Variants in SLX4 observed in about 807,000 individuals in gnomAD.
SLX4 encodes the protein structure-specific endonuclease subunit SLX4.
Under a neutral mutation model 146.2 loss-of-function variants are expected in SLX4, and 112 were observed. The observed-to-expected ratio is 0.77, with a 90% confidence interval of 0.66 to 0.90. SLX4 has a LOEUF of 0.90. SLX4 is among the 40% of genes least tolerant of loss of function. SLX4 has a pLI of 0.00. For synonymous variants in SLX4, 1,061 were observed against 997.7 expected (o/e 1.06, Z -1.20); for missense variants, 2,563 against 2,392.7 (o/e 1.07, Z -1.49).
intron 11 of SLX4, 107 bp from the exon 12 acceptor site, chr16:3,591,417 C>A: frequency 6.7e-7 from 1 of 1,498,744 alleles, no homozygotes; most frequent in Non-Finnish European, 9.0e-7. Flanking sequence ...GAGGAATGAC[C>A]ATGACCCAGG....
chr16:3,596,665 G>A (rs1276168993), intron 7 of SLX4, among the ~76,000 whole-genome samples: 1 of 152,212 alleles, frequency 6.6e-6, no homozygotes, highest in Non-Finnish European at 1.5e-5. Flanking sequence ...GAGGCCAGGG[G>A]GGCCCAGGCC....
Position 3,590,314 on chromosome 16 carries a change from C to T in SLX4, c.3324G>A (p.Glu1108=), listed in dbSNP as rs2040568879. Residue 1108 remains glutamate (E), a synonymous_variant, in exon 12 of 15, where the codon GAG becomes GAA. Transcript: ENST00000294008. The surrounding 1 kb of genome is among the most constrained non-coding windows in gnomAD (Gnocchi z 4.8). ...QKGKERRSVL[E]CRNKGVLMFP... is the part of the protein sequence containing the mutation. ...ACATCAGGACCCCCTTATTTCTGCACTCCAGCACGGACCGACGCTCTTTGC... is the reference window on the plus strand; with the variant it reads ...ACATCAGGACCCCCTTATTTCTGCATTCCAGCACGGACCGACGCTCTTTGC... The T allele has an allele frequency of 1.2e-6, 2 of 1,614,202 alleles. No individual in the cohort carries two copies. Among genetic ancestry groups the T allele is most frequent in the African/African-American group, 2.7e-5 (2 of 75,054 alleles).
At chr16:3,606,742 G>T (rs758577084) in intron 2 of SLX4, 44 bp from the exon 3 acceptor site, 3 of 1,601,362 alleles carry the variant, frequency 1.9e-6, no homozygotes, top group Admixed American at 3.3e-5. Flanking sequence ...TGTAGCTGGA[G>T]AAATAAAAGA....
Position 3,594,389 on chromosome 16 carries a change from G to C in SLX4, c.2160+64C>G, listed in dbSNP as rs547760964. 8 of 1,566,230 alleles carry C rather than the reference G, an allele frequency of 5.1e-6. No homozygotes were observed. In the East Asian group the frequency reaches 1.7e-4, roughly 32 times the overall value. On this transcript the variant is annotated intron_variant, in intron 10 of 14. Coordinates refer to ENST00000294008, the MANE Select transcript of SLX4 (RefSeq NM_032444.4). ...CCTGAGACATGGGAAGACCTGGTTG[G>C]AGAAAGGCAGGAGGAGAGAGGGAGA...
At position 3,589,575 on chromosome 16, in the gene SLX4, A is replaced by G. The variant is rs1417515082; in HGVS notation, c.4063T>C (p.Ser1355Pro). Residue 1355 changes from serine to proline, a missense_variant, in exon 12 of 15, where the codon TCT (serine) becomes CCT (proline). Physicochemically the swap from Ser to Pro is moderately conservative, Grantham distance 74. Transcript: ENST00000294008. The surrounding 1 kb of genome is among the most constrained non-coding windows in gnomAD (Gnocchi z 6.2). The part of the protein sequence containing the change: ...RPHPGGHPHS[S>P]PLAPHPISGD... ...GAGATGGGATGTGGAGCCAGCGGAGAGGAGTGCGGGTGGCCCCCGGGGTGG... is the reference window on the plus strand; with the variant it reads ...GAGATGGGATGTGGAGCCAGCGGAGGGGAGTGCGGGTGGCCCCCGGGGTGG... The G allele has an allele frequency of 1.2e-6, 2 of 1,612,896 alleles. No homozygotes were observed. The highest frequency in any genetic ancestry group is 1.7e-5 in the Admixed American group (1 of 59,974).
At chr16:3,600,277 G>A (rs1028525044) in intron 5 of SLX4, among the ~76,000 whole-genome samples, 12 of 152,300 alleles carry the variant, frequency 7.9e-5, no homozygotes, top group Middle Eastern at 3.4e-3. Flanking sequence ...TTGCCTGCCC[G>A]CTGCTCACCT....
chr16:3,602,895 G>A (rs1246518971), intron 3 of SLX4, among the ~76,000 whole-genome samples: 1 of 152,172 alleles, frequency 6.6e-6, no homozygotes, highest in Admixed American at 6.5e-5. Flanking sequence ...ATGGCTCCCA[G>A]GGTGGCCCAT....
At chr16:3,593,485 G>A (rs938129385) in intron 10 of SLX4, among the ~76,000 whole-genome samples, 10 of 152,150 alleles carry the variant, frequency 6.6e-5, no homozygotes, top group Non-Finnish European at 5.9e-5. Context: ...CCCAAAGTAC[G>A]GGGATCTCAG....
chr16:3,589,433 T>C lies in SLX4; in HGVS notation c.4205A>G (p.Gln1402Arg). 1 of 1,603,684 alleles carries C rather than the reference T, an allele frequency of 6.2e-7. No individual in the cohort carries two copies. Among genetic ancestry groups the C allele is most frequent in the East Asian group, 2.2e-5 (1 of 44,560 alleles). ...GTTGGCCTGATGGGAGGCCACCTCC[T>C]GCTCATCGTCACTGTCTCCGACTTC... The part of the protein sequence containing the change: ...VVEVGDSDDE[Q>R]EVASHQANRS... Residue 1402 changes from glutamine (Q) to arginine (R), a missense_variant, in exon 12 of 15, where the codon CAG becomes CGG. By Grantham distance (43) the Gln-to-Arg change is conservative. Coordinates refer to ENST00000294008, the MANE Select transcript of SLX4 (RefSeq NM_032444.4). This position sits in a 1 kb window ranked among gnomAD's most constrained non-coding sequence, Gnocchi z 6.2.
Position 3,607,414 on chromosome 16 carries a change from C to T in SLX4, c.536-716G>A, listed in dbSNP as rs114632741. Among the ~76,000 whole-genome samples, 1,215 of 152,208 alleles carry T rather than the reference C, an allele frequency of 8.0e-3. 15 individuals carry two copies. Among genetic ancestry groups the T allele is most frequent in the African/African-American group, 0.021 (878 of 41,510 alleles). On this transcript the variant is annotated intron_variant, in intron 2 of 14. Transcript: ENST00000294008. ...AAACAGAACTCAGGAGCTCAGAGAG[C>T]CCATGGTGTATTATATATGCAAGGG... is the stretch of plus-strand genomic sequence containing the variant.
chr16:3,583,639 T>A, intron 13 of SLX4, 129 bp from the exon 14 acceptor site: 1 of 962,838 alleles, frequency 1.0e-6, no homozygotes, highest in Non-Finnish European at 1.6e-6. Flanking sequence ...CATAGATGCC[T>A]GACTTCTGTG....
In SLX4 at chr16:3,594,597, G is replaced by A; in HGVS notation, c.2016C>T (p.Leu672=). The A allele has an allele frequency of 6.2e-7, 1 of 1,614,086 alleles. No homozygotes were observed. The highest frequency in any genetic ancestry group is 8.5e-7 in the Non-Finnish European group (1 of 1,180,008). The part of the protein sequence containing the change: ...KHPDRGGRTL[L]SLGLLVADFG... ...AGTCAGCAACCAGCAGCCCGAGGGA[G>A]AGCTGAAGCAGGAGGAGAGGAAGAG... The change falls in exon 10 of 15, where the codon CTC becomes CTT. Residue 672 remains leucine (L), a splice_region_variant and synonymous_variant. Coordinates refer to ENST00000294008, the MANE Select transcript of SLX4 (RefSeq NM_032444.4).
intron 2 of SLX4, among the ~76,000 whole-genome samples, 180 bp downstream of exon 2, chr16:3,608,250 A>G (rs945400991): frequency 2.0e-5 from 3 of 152,208 alleles, no homozygotes; most frequent in African/African-American, 4.8e-5. Flanking sequence ...TTGTAAATAA[A>G]GTTTTACTGG....
intron 1 of SLX4, among the ~76,000 whole-genome samples, chr16:3,610,967 C>A (rs1254802352): frequency 6.6e-6 from 1 of 152,192 alleles, no homozygotes; most frequent in Non-Finnish European, 1.5e-5. Flanking sequence ...ATTCCACCTC[C>A]ACAACTGTGT....
chr16:3,584,923 C>T, intron 12 of SLX4, 52 bp from the exon 13 acceptor site: 1 of 1,233,774 alleles, frequency 8.1e-7, no homozygotes, highest in Non-Finnish European at 1.2e-6. Context: ...ACGGATTTCC[C>T]ACATCTGATC....
chr16:3,589,866 G>C lies in SLX4; in HGVS notation c.3772C>G (p.Pro1258Ala), dbSNP rs755975486. The C allele has an allele frequency of 1.1e-5, 17 of 1,612,408 alleles. No individual in the cohort carries two copies. Among genetic ancestry groups the C allele is most frequent in the Non-Finnish European group, 5.1e-6 (6 of 1,179,908 alleles). The change falls in exon 12 of 15, where the codon CCC becomes GCC. Residue 1258 changes from proline to alanine, a missense_variant. Coordinates refer to ENST00000294008, the MANE Select transcript of SLX4 (RefSeq NM_032444.4). The surrounding 1 kb of genome is among the most constrained non-coding windows in gnomAD (Gnocchi z 6.2). ...ASTTDTSWLV[P>A]ATPLASRSRD... ...CTTCTGCTGGCCAGCGGGGTGGCGG[G>C]CACCAGCCACGAGGTGTCTGTGGTG...
In SLX4 at chr16:3,601,015, G is replaced by C; in HGVS notation, c.1127C>G (p.Ala376Gly). 1 of 1,613,882 alleles carries C rather than the reference G, an allele frequency of 6.2e-7. No homozygotes were observed. The highest frequency in any genetic ancestry group is 1.1e-5 in the South Asian group (1 of 91,084). The part of the protein sequence containing the change: ...LLLQAVRLQT[A>G]QPEGSSSPPM... ...TGGGCTGCTGCTACCCTCAGGCTGT[G>C]CTGTCTGCAGCCGCACAGCCTGAAG... The change falls in exon 5 of 15, where the codon GCA (alanine) becomes GGA (glycine). Residue 376 changes from alanine (A) to glycine (G), a missense_variant. By Grantham distance (60) the Ala-to-Gly change is moderately conservative (BLOSUM62 0). Coordinates refer to ENST00000294008, the MANE Select transcript of SLX4 (RefSeq NM_032444.4).
chr16:3,596,429 C>T, intron 7 of SLX4, 36 bp from the exon 8 acceptor site: 3 of 1,562,062 alleles, frequency 1.9e-6, no homozygotes, highest in Non-Finnish European at 1.7e-6. Context: ...ACCACGTGGT[C>T]ACTGTCATTG....
chr16:3,594,739 T>C, intron 9 of SLX4, 140 bp from the exon 10 acceptor site: 1 of 1,126,414 alleles, frequency 8.9e-7, no homozygotes. Context: ...TCCAAAACGC[T>C]TCCCACGATG....
Sources: gnomAD v4.1 joint callset for allele counts (sites outside exome capture counted in the v4.1 genomes callset) on GRCh38, gnomAD v4.1.1 for gene constraint, Gnocchi (gnomAD v3.1) non-coding constraint, MANE v1.5 for transcripts, NCBI Gene and HGNC (gene_info 2026-07-23, HGNC 2026-07-21) for gene names.